WDPCP: variants seen among roughly 807,000 people sequenced by gnomAD.
The protein encoded by WDPCP is WD repeat containing planar cell polarity effector, also known as WD repeat-containing and planar cell polarity effector protein fritz homolog.
WDPCP carries 71 observed loss-of-function variants against 93.1 expected under a neutral mutation model. That is an observed-to-expected ratio of 0.76 (90% CI 0.63 to 0.93). The LOEUF (loss-of-function observed/expected upper bound fraction) is 0.93. WDPCP is among the 40% of genes least tolerant of loss of function. WDPCP has a pLI of 0.00. For synonymous variants in WDPCP, 315 were observed against 315.0 expected, an observed-to-expected ratio of 1.00 and a Z score of 0.00; for missense variants, 844 against 887.4, an observed-to-expected ratio of 0.95 and a Z score of 0.62.
intron 12 of WDPCP, among the ~76,000 whole-genome samples, chr2:63,320,217 T>G (rs1223570935): frequency 6.6e-6 from 1 of 152,098 alleles, no homozygotes; most frequent in Non-Finnish European, 1.5e-5. Context: ...CACAAAAAAT[T>G]TTATATGCAG....
At chr2:63,653,769 G>C (rs1159927715) in intron 2 of WDPCP, among the ~76,000 whole-genome samples, 1 of 152,082 alleles carries the variant, frequency 6.6e-6, no homozygotes, top group Non-Finnish European at 1.5e-5. Flanking sequence ...AAATTAGCCA[G>C]GTGTAATGGC....
chr2:63,722,911 T>C (rs1349715825), intron 2 of WDPCP, among the ~76,000 whole-genome samples: 2 of 151,912 alleles, frequency 1.3e-5, no homozygotes, highest in Non-Finnish European at 2.9e-5. Context: ...GAAGTAGACA[T>C]GGGAGACTTT....
intron 16 of WDPCP, 128 bp from the exon 17 acceptor site, chr2:63,153,073 G>T (rs892021711): frequency 1.3e-6 from 1 of 786,000 alleles, no homozygotes; most frequent in African/African-American, 1.8e-5. Flanking sequence ...GAACTCTAGA[G>T]AAATAAAAAA....
intron 17 of WDPCP, 122 bp downstream of exon 17, chr2:63,152,792 G>T: frequency 2.3e-6 from 2 of 876,282 alleles, no homozygotes; most frequent in Non-Finnish European, 3.7e-6. Flanking sequence ...AGTTAATCTA[G>T]TTAATGTAGT....
At position 63,447,715 on chromosome 2, in the gene WDPCP, C is replaced by G. The variant is rs150173397; in HGVS notation, c.385-7844G>C. ...TATGGTATATACAAATTATGGATTA[C>G]TATGTATCTAGTAAAAATAGGGAGG... On this transcript the variant is annotated intron_variant, in intron 6 of 17. Coordinates refer to ENST00000272321, the MANE Select transcript of WDPCP (RefSeq NM_015910.7). Among the ~76,000 whole-genome samples, 106 of 151,938 alleles carry G rather than the reference C, an allele frequency of 7.0e-4. 1 individual carries two copies. Among genetic ancestry groups the G allele is most frequent in the Non-Finnish European group, 1.3e-3 (85 of 67,944 alleles).
At chr2:63,628,200 A>G (rs116632707) in intron 3 of WDPCP, among the ~76,000 whole-genome samples, 2,736 of 152,306 alleles carry the variant, frequency 0.018, 27 homozygotes, top group Middle Eastern at 0.054. Context: ...TATAGTCTAT[A>G]TACCAGCTTT....
chr2:63,417,752 AT>A (rs1239261325), intron 9 of WDPCP, among the ~76,000 whole-genome samples: 2 of 147,968 alleles, frequency 1.4e-5, no homozygotes, highest in South Asian at 2.1e-4. Context: ...TTATATTAAT[AT>A]TAATATATAT....
At position 63,609,867 on chromosome 2, in the gene WDPCP, CT is replaced by C. The variant is rs550093764; in HGVS notation, n.488+40791del. On this transcript the variant is annotated intron_variant and non_coding_transcript_variant, in intron 3 of 4. Coordinates refer to the WDPCP transcript ENST00000467687. ...AGTCTGGGTGACAGAGCAAGATTGTCTTTTTAAAAAACAAAAGAAAATGTTA... is the reference window on the plus strand; with the variant it reads ...AGTCTGGGTGACAGAGCAAGATTGTCTTTTAAAAAACAAAAGAAAATGTTA... 2.0e-4 allele frequency among the ~76,000 whole-genome samples: 31 copies of C among 152,162 alleles called. No homozygotes were observed. The East Asian group carries it at 5.8e-3, about 28-fold the overall frequency.
At chr2:63,597,225 T>A (rs2106610999) in intron 3 of WDPCP, 1 of 920,540 alleles carries the variant, frequency 1.1e-6, no homozygotes, top group Non-Finnish European at 1.3e-6. Context: ...ACATTTCTAA[T>A]GTTATGATTG....
chr2:63,684,694 C>A, intron 2 of WDPCP: 1 of 660,250 alleles, frequency 1.5e-6, no homozygotes, highest in Non-Finnish European at 2.9e-6. Context: ...ACAAGTGGTT[C>A]TTCCAGAAGC....
chr2:63,553,401 T>C (rs991408518), intron 1 of WDPCP, among the ~76,000 whole-genome samples: 1 of 152,186 alleles, frequency 6.6e-6, no homozygotes, highest in Admixed American at 6.5e-5. Context: ...GATCTGTCAT[T>C]TGGTTAGGTC....
At chr2:63,370,074 G>A (rs1163163829) in intron 12 of WDPCP, among the ~76,000 whole-genome samples, 5 of 152,060 alleles carry the variant, frequency 3.3e-5, no homozygotes, top group Admixed American at 6.6e-5. Context: ...AATGACCATC[G>A]AGTTATTTAT....
chr2:63,571,068 C>G (rs1328895719), intron 1 of WDPCP, among the ~76,000 whole-genome samples: 2 of 83,324 alleles, frequency 2.4e-5, no homozygotes, highest in East Asian at 1.1e-3. Context: ...CTAGGTCCAG[C>G]TAATTTTTGG....
At chr2:63,621,878 T>C (rs1184679129) in intron 3 of WDPCP, among the ~76,000 whole-genome samples, 6 of 6,018 alleles carry the variant, frequency 1.0e-3, no homozygotes, top group Admixed American at 2.4e-3. Context: ...TTCAACATTC[T>C]TTTTTTTTTT....
intron 2 of WDPCP, among the ~76,000 whole-genome samples, chr2:63,749,100 G>A (rs1187608099): frequency 6.6e-6 from 1 of 152,034 alleles, no homozygotes; most frequent in Admixed American, 6.6e-5. Context: ...AGACCTCAGG[G>A]ACAAGAAAGG....
At chr2:63,675,990 T>C (rs1710399418) in intron 2 of WDPCP, among the ~76,000 whole-genome samples, 1 of 152,212 alleles carries the variant, frequency 6.6e-6, no homozygotes, top group Admixed American at 6.5e-5. Flanking sequence ...ACTTTCCCTT[T>C]GGTCTATATA....
At chr2:63,541,402 T>A (rs1456319262) in intron 1 of WDPCP, among the ~76,000 whole-genome samples, 1 of 152,232 alleles carries the variant, frequency 6.6e-6, no homozygotes, top group South Asian at 2.1e-4. Context: ...GTTACAATTA[T>A]ACATGGTTTT....
chr2:63,653,983 T>G (rs531182446), intron 2 of WDPCP, among the ~76,000 whole-genome samples: 30 of 150,902 alleles, frequency 2.0e-4, no homozygotes, highest in African/African-American at 7.3e-4. Context: ...AAAAATCAGT[T>G]GATAGAAACA....
chr2:63,293,923 GA>G (rs1000647236), intron 13 of WDPCP, among the ~76,000 whole-genome samples: 38 of 152,254 alleles, frequency 2.5e-4, no homozygotes, highest in African/African-American at 7.9e-4. Context: ...AAGGAAAAGA[GA>G]AACTGCCAGA....
Sources: gnomAD v4.1 joint callset for allele counts (sites outside exome capture counted in the v4.1 genomes callset) on GRCh38, gnomAD v4.1.1 for gene constraint, MANE v1.5 for transcripts, NCBI Gene and HGNC (gene_info 2026-07-23, HGNC 2026-07-21) for gene names.